ARHGAP21: variants seen among roughly 807,000 people sequenced by gnomAD.
The protein encoded by ARHGAP21 is rho GTPase-activating protein 21.
In ARHGAP21, 38 loss-of-function variants were observed where a neutral mutation model predicts 164.6. The observed-to-expected ratio is 0.23, with a 90% CI of 0.18 to 0.30. ARHGAP21 has a LOEUF of 0.30. Ranked by LOEUF, ARHGAP21 falls within the 10% of genes least tolerant of loss-of-function variation. The probability of loss-of-function intolerance (pLI) is 1.00; values close to 1 mark genes in which losing one functional copy is unlikely to be tolerated. For missense variants in ARHGAP21, 1,822 were observed against 2,370.7 expected (o/e 0.77, Z 4.81); for synonymous variants, 766 against 857.9 (o/e 0.89, Z 1.87).
At chr10:24,590,895 A>C (rs117698617) in intron 24 of ARHGAP21, 42 of 983,394 alleles carry the variant, frequency 4.3e-5, no homozygotes, top group Non-Finnish European at 4.8e-5. Context: ...TCAGTAGCAT[A>C]TATCTGTTTT....
chr10:24,618,499 G>A (rs924393837), intron 9 of ARHGAP21, among the ~76,000 whole-genome samples: 3 of 152,202 alleles, frequency 2.0e-5, no homozygotes, highest in Admixed American at 6.5e-5. Context: ...TTAGATAGGT[G>A]AGTCACAAAG....
At position 24,595,123 on chromosome 10, in the gene ARHGAP21, T is replaced by C; in HGVS notation, c.3780A>G (p.Lys1260=). ...AATATAAAATAATACCTACTAGTCT[T>C]TTTAATGTTTTCAGACGATCTAGAG... is the stretch of plus-strand genomic sequence containing the variant. ...EDPLDRLKTL[K]RLIHDLPEHH... Residue 1260 remains lysine (K), a synonymous_variant, in exon 20 of 26, where the codon AAA becomes AAG. Coordinates refer to ENST00000396432, the MANE Select transcript of ARHGAP21 (RefSeq NM_020824.4). 6.2e-7 allele frequency: 1 copy of C among 1,609,508 alleles called. No individual in the cohort carries two copies. Among genetic ancestry groups the C allele is most frequent in the Non-Finnish European group, 8.5e-7 (1 of 1,178,572 alleles).
intron 4 of ARHGAP21, among the ~76,000 whole-genome samples, chr10:24,637,734 C>G (rs1836525650): frequency 6.6e-6 from 1 of 152,160 alleles, no homozygotes; most frequent in South Asian, 2.1e-4. Context: ...GTCAGACATA[C>G]TTTGCCACTG....
Position 24,597,487 on chromosome 10 carries a change from G to C in ARHGAP21, c.3294C>G (p.His1098Gln). 1 of 1,614,118 alleles carries C rather than the reference G, an allele frequency of 6.2e-7. No individual in the cohort carries two copies. The highest frequency in any genetic ancestry group is 1.1e-5 in the South Asian group (1 of 91,080). ...AKSEPKTQSPHSPKEESERKL... is the reference protein window; with the variant it reads ...AKSEPKTQSPQSPKEESERKL... ...TCCTTTCCGACTCTTCCTTCGGAGAGTGTGGGCTTTGAGTCTTTGGCTCTG... is the reference window on the plus strand; with the variant it reads ...TCCTTTCCGACTCTTCCTTCGGAGACTGTGGGCTTTGAGTCTTTGGCTCTG... Residue 1098 changes from histidine to glutamine, a missense_variant, in exon 16 of 26, where the codon CAC becomes CAG. His to Gln is a conservative substitution (Grantham distance 24, BLOSUM62 0). This residue lies in a region of ARHGAP21 where 1,090 missense variants were observed against 1,378.9 expected (regional missense o/e 0.79). Transcript: ENST00000396432.
intron 16 of ARHGAP21, among the ~76,000 whole-genome samples, chr10:24,597,107 T>C (rs190490855): frequency 1.7e-4 from 26 of 151,382 alleles, no homozygotes; most frequent in Admixed American, 1.5e-3. Context: ...AAAAACTACA[T>C]AGAATCAGTG....
At chr10:24,596,222 TAAGAAGAGAACAAAGAGACTGAA>T in intron 17 of ARHGAP21, 179 bp from the exon 18 acceptor site, 1 of 545,260 alleles carries the variant, frequency 1.8e-6, no homozygotes, top group Non-Finnish European at 3.0e-6. Context: ...TTTGAGACAG[TAAGAAGAGAACAAAGAGACTGAA>T]AGAAAGAGAG....
intron 3 of ARHGAP21, among the ~76,000 whole-genome samples, chr10:24,668,035 AC>A (rs1017749788): frequency 5.9e-5 from 9 of 152,230 alleles, no homozygotes; most frequent in Non-Finnish European, 1.3e-4. Context: ...TTGAGCAATT[AC>A]AGTGTCAATT....
intron 2 of ARHGAP21, among the ~76,000 whole-genome samples, chr10:24,702,250 C>T (rs910550422): frequency 1.3e-5 from 2 of 150,200 alleles, no homozygotes. Context: ...CCTGCCTCAG[C>T]CTTCTGAGTA....
intron 2 of ARHGAP21, among the ~76,000 whole-genome samples, chr10:24,715,956 C>T (rs1389310965): frequency 2.0e-5 from 3 of 152,144 alleles, no homozygotes; most frequent in South Asian, 2.1e-4. Context: ...TTGCTGTGAG[C>T]GCAGATTGCA....
Position 24,591,654 on chromosome 10 carries a change from A to G in ARHGAP21, c.4032T>C (p.Ala1344=), listed in dbSNP as rs1391780571. 1.2e-6 allele frequency: 2 copies of G among 1,614,066 alleles called. No individual in the cohort carries two copies. Among genetic ancestry groups the G allele is most frequent in the African/African-American group, 2.7e-5 (2 of 74,956 alleles). The change falls in exon 23 of 26, where the codon GCT becomes GCC. Residue 1344 remains alanine (A), a synonymous_variant. Transcript: ENST00000396432. ...HHDWFFTEEG[A]EEPLTTVQEE... is the part of the protein sequence containing the mutation. The stretch of plus-strand genomic sequence containing the variant: ...AGACAATACTTACAAGAGGCTCTTC[A>G]GCACCTTCTTCTGTGAAAAACCAGT...
At chr10:24,711,162 AAGAGAAAGAAAG>A (rs1181876840) in intron 2 of ARHGAP21, among the ~76,000 whole-genome samples, 4 of 150,764 alleles carry the variant, frequency 2.7e-5, no homozygotes, top group Non-Finnish European at 1.5e-5. Flanking sequence ...GGGAGGGAAA[AAGAGAAAGAAAG>A]AGAGAAAGAG....
chr10:24,723,843 G>A lies in ARHGAP21; in HGVS notation c.-662C>T, dbSNP rs938091115. ...CTCTCCCCTCGCCTCGCCGGGCCGG[G>A]CCGGGGCCCAGCTCCGGCGCCCGCG... On this transcript the variant is annotated 5_prime_UTR_variant, in exon 1 of 26. Coordinates refer to ENST00000396432, the MANE Select transcript of ARHGAP21 (RefSeq NM_020824.4). Among the ~76,000 whole-genome samples the A allele has an allele frequency of 1.5e-4, 22 of 150,296 alleles. No individual in the cohort carries two copies. Among genetic ancestry groups the A allele is most frequent in the African/African-American group, 5.1e-4 (21 of 41,152 alleles).
At position 24,600,868 on chromosome 10, in the gene ARHGAP21, A is replaced by G. The variant is rs149103984; in HGVS notation, c.2910T>C (p.Leu970=). ...QMYVVLRGHS[L]YLYKDKREQT... is the part of the protein sequence containing the mutation. ...GCTCTCTTTTATCTTTGTACAGGTA[A>G]AGTGAATGACCCCGAAGGACAACAT... is the stretch of plus-strand genomic sequence containing the variant. Residue 970 remains leucine (L), a synonymous_variant, in exon 14 of 26, where the codon CTT becomes CTC. Coordinates refer to ENST00000396432, the MANE Select transcript of ARHGAP21 (RefSeq NM_020824.4). 5 of 1,614,074 alleles carry G rather than the reference A, an allele frequency of 3.1e-6. No individual in the cohort carries two copies. The highest frequency in any genetic ancestry group is 3.4e-6 in the Non-Finnish European group (4 of 1,180,012).
intron 2 of ARHGAP21, among the ~76,000 whole-genome samples, chr10:24,699,615 G>A (rs1173583282): frequency 1.3e-5 from 2 of 152,074 alleles, no homozygotes; most frequent in East Asian, 1.9e-4. Flanking sequence ...ATGAGTCACC[G>A]TGCCCGGCCT....
At chr10:24,601,040 G>A (rs1592973708) in intron 13 of ARHGAP21, 110 bp from the exon 14 acceptor site, 1 of 1,284,646 alleles carries the variant, frequency 7.8e-7, no homozygotes, top group Non-Finnish European at 1.1e-6. Context: ...AACTAGTGTA[G>A]CAGGTGGCAG....
intron 13 of ARHGAP21, among the ~76,000 whole-genome samples, chr10:24,601,742 C>T (rs560061278): frequency 4.1e-4 from 63 of 151,968 alleles, no homozygotes; most frequent in Non-Finnish European, 5.9e-4. Context: ...ATTGCCAAAA[C>T]GTAAGACAAT....
At chr10:24,619,433 T>G (rs753935271) in intron 9 of ARHGAP21, 40 bp downstream of exon 9, 2 of 1,542,792 alleles carry the variant, frequency 1.3e-6, no homozygotes, top group African/African-American at 1.4e-5. Flanking sequence ...AGATTTCTTA[T>G]ACATTTGGCA....
rs139882968 is a variant in ARHGAP21, at chr10:24,670,331, A to C, written c.130T>G (p.Ser44Ala). Residue 44 changes from serine (S) to alanine (A), a missense_variant, in exon 3 of 26, where the codon TCC becomes GCC. Around this residue, in one of 5 missense-constraint regions of ARHGAP21, gnomAD observed 1,090 missense variants for 1,378.9 expected, o/e 0.79. Coordinates refer to ENST00000396432, the MANE Select transcript of ARHGAP21 (RefSeq NM_020824.4). ...TVSLSEDETFSWPGPKTVTLK... is the reference protein window; with the variant it reads ...TVSLSEDETFAWPGPKTVTLK... Reference sequence around the variant, plus strand: ...GTAACTGTTTTGGGACCTGGCCAGGAGAATGTTTCATCTTCAGACAGTGAT... The same window carrying C: ...GTAACTGTTTTGGGACCTGGCCAGGCGAATGTTTCATCTTCAGACAGTGAT... 1.1e-5 allele frequency: 18 copies of C among 1,609,418 alleles called. No individual in the cohort carries two copies. Among genetic ancestry groups the C allele is most frequent in the Non-Finnish European group, 1.5e-5 (18 of 1,177,250 alleles).
chr10:24,697,240 C>T (rs1178451431), intron 2 of ARHGAP21, among the ~76,000 whole-genome samples: 1 of 152,096 alleles, frequency 6.6e-6, no homozygotes, highest in African/African-American at 2.4e-5. Context: ...GAGGTATTCG[C>T]TGCTGAGAAA....
Sources: gnomAD v4.1 joint callset for allele counts (sites outside exome capture counted in the v4.1 genomes callset) on GRCh38, gnomAD v4.1.1 for gene constraint, gnomAD v4.1.1 regional missense constraint, MANE v1.5 for transcripts, NCBI Gene and HGNC (gene_info 2026-07-23, HGNC 2026-07-21) for gene names.